The following TSPAN2 variants were observed in gnomAD, a reference collection of about 807,000 sequenced individuals.
TSPAN2 encodes tetraspanin-2.
TSPAN2 carries 24 observed loss-of-function variants against 33.3 expected under a neutral mutation model. The observed-to-expected ratio is 0.72, with a 90% CI of 0.52 to 1.01. The LOEUF (loss-of-function observed/expected upper bound fraction) is 1.01, where lower values mean the gene tolerates loss of function less well. Among genes scored for constraint, TSPAN2 ranks in the 50% least tolerant of loss-of-function variants. The probability of loss-of-function intolerance (pLI) is 0.00; values close to 1 mark genes in which losing one functional copy is unlikely to be tolerated. For synonymous variants in TSPAN2, 114 were observed against 104.5 expected (o/e 1.09, Z -0.56); for missense variants, 278 against 281.3 (o/e 0.99, Z 0.08).
At chr1:115,087,615 C>CAA (rs58524726) in intron 1 of TSPAN2, among the ~76,000 whole-genome samples, 2,883 of 91,930 alleles carry the variant, frequency 0.031, 169 homozygotes, top group African/African-American at 0.1. Flanking sequence ...GACTCCGTCT[C>CAA]AAAAAAAAAA....
chr1:115,066,463 C>T (rs1434368531), intron 2 of TSPAN2, among the ~76,000 whole-genome samples: 3 of 152,110 alleles, frequency 2.0e-5, no homozygotes, highest in Non-Finnish European at 2.9e-5. Context: ...GGAACATGTT[C>T]CCAGGCAATT....
intron 1 of TSPAN2, among the ~76,000 whole-genome samples, chr1:115,074,957 G>A (rs556206334): frequency 1.3e-5 from 2 of 152,224 alleles, no homozygotes; most frequent in African/African-American, 2.4e-5. Flanking sequence ...TCATCTCTGT[G>A]GCGACTCAAT....
chr1:115,056,802 C>T (rs1312189544), intron 6 of TSPAN2, among the ~76,000 whole-genome samples: 1 of 152,142 alleles, frequency 6.6e-6, no homozygotes, highest in Non-Finnish European at 1.5e-5. Context: ...CCTTTGCATC[C>T]ACAGTGCCGA....
At chr1:115,066,399 C>G (rs1194516853) in intron 2 of TSPAN2, among the ~76,000 whole-genome samples, 2 of 152,212 alleles carry the variant, frequency 1.3e-5, no homozygotes, top group Non-Finnish European at 2.9e-5. Context: ...TCCTTGCCAG[C>G]ATTTGCTATT....
chr1:115,075,408 G>A (rs1327641447), intron 1 of TSPAN2, among the ~76,000 whole-genome samples: 5 of 152,230 alleles, frequency 3.3e-5, no homozygotes, highest in Middle Eastern at 3.4e-3. Context: ...GTAAGGACCC[G>A]GCCAGGGTTG....
chr1:115,048,130 T>C lies in TSPAN2; in HGVS notation c.*2360A>G, dbSNP rs1224973312. 1 of 151,482 alleles carries C rather than the reference T, an allele frequency of 6.6e-6. No homozygotes were observed. Among genetic ancestry groups the C allele is most frequent in the African/African-American group, 2.4e-5 (1 of 41,316 alleles). 9.4% of individuals were successfully genotyped at this position (151,482 alleles called of 1,614,324 possible). A position where few individuals can be genotyped will look rare whatever the true frequency, so the allele number is the denominator to read the frequency against. ...ATGTTTGGGTCTAATCTCAAATTAG[T>C]TCAGGGGAACAGAAATAGCTGAAAA... On this transcript the variant is annotated 3_prime_UTR_variant, in exon 8 of 8. Transcript: ENST00000369516.
rs1286355 is a variant in TSPAN2, at chr1:115,078,435, T to C, written c.70-5428A>G. ...TAGACTGAATTGTATCCCTCCAACCTGCAAAATTCACAGGTTGAGGCCTAA... is the reference window on the plus strand; with the variant it reads ...TAGACTGAATTGTATCCCTCCAACCCGCAAAATTCACAGGTTGAGGCCTAA... On this transcript the variant is annotated intron_variant, in intron 1 of 7. Transcript: ENST00000369516. 9.7e-3 allele frequency among the ~76,000 whole-genome samples: 1,481 copies of C among 152,178 alleles called. 28 individuals carry two copies. The highest frequency in any genetic ancestry group is 0.034 in the African/African-American group (1,410 of 41,500).
Position 115,050,573 on chromosome 1 carries a change from C to T in TSPAN2, c.601-18G>A, listed in dbSNP as rs181380932. The T allele has an allele frequency of 1.3e-4, 211 of 1,613,086 alleles. 1 individual carries two copies. The highest frequency in any genetic ancestry group is 2.0e-5 in the Non-Finnish European group (23 of 1,179,294). Reference sequence around the variant, plus strand: ...CCAAAGATCTGAAACAGAAGAAACACTCATCAGTGACTTTGAAACGGGTAC... The same window carrying T: ...CCAAAGATCTGAAACAGAAGAAACATTCATCAGTGACTTTGAAACGGGTAC... On this transcript the variant is annotated intron_variant, in intron 7 of 7. Transcript: ENST00000369516.
chr1:115,073,131 C>T lies in TSPAN2; in HGVS notation c.70-124G>A, dbSNP rs558259716. On this transcript the variant is annotated intron_variant, in intron 1 of 7. Coordinates refer to ENST00000369516, the MANE Select transcript of TSPAN2 (RefSeq NM_005725.6). ...TTTGGAAATCACTTAGACCACCTTC[C>T]CATTTTATAGGGGAGAAAATGAAGG... The T allele has an allele frequency of 1.6e-4, 125 of 772,462 alleles. No individual in the cohort carries two copies. In the African/African-American group the frequency reaches 1.8e-3, roughly 11 times the overall value. The allele number at this position is 772,462 out of a possible 1,614,324, so 47.9% of individuals were successfully genotyped here.
chr1:115,062,167 C>A lies in TSPAN2; in HGVS notation c.238G>T (p.Ala80Ser), dbSNP rs772414105. ...MAVGFFGCCG[A>S]MRESQCVLGS... The stretch of plus-strand genomic sequence containing the variant: ...AGCACACATTGCGACTCCCGCATGG[C>A]TCCGCAGCACCCGAAGAACCCCACG... The change falls in exon 3 of 8, where the codon GCC becomes TCC. Residue 80 changes from alanine (A) to serine (S), a missense_variant. Transcript: ENST00000369516. 6.2e-7 allele frequency: 1 copy of A among 1,601,228 alleles called. No individual in the cohort carries two copies. The highest frequency in any genetic ancestry group is 8.5e-7 in the Non-Finnish European group (1 of 1,173,820).
chr1:115,085,128 A>T (rs1467003174), intron 1 of TSPAN2, among the ~76,000 whole-genome samples: 1 of 152,196 alleles, frequency 6.6e-6, no homozygotes, highest in East Asian at 1.9e-4. Flanking sequence ...GTAGGAAAAA[A>T]AAAGGTGATT....
chr1:115,055,592 C>A (rs999107114), intron 6 of TSPAN2, among the ~76,000 whole-genome samples: 1 of 151,888 alleles, frequency 6.6e-6, no homozygotes. Context: ...GGCGCGATCT[C>A]GGCTCACTGC....
chr1:115,055,942 C>T lies in TSPAN2; in HGVS notation c.516+1595G>A, dbSNP rs182281162. Reference sequence around the variant, plus strand: ...AATAACATGTAATGAGCATGATTTGCACAAAAACGTCTGTCTGCATTTCTG... The same window carrying T: ...AATAACATGTAATGAGCATGATTTGTACAAAAACGTCTGTCTGCATTTCTG... On this transcript the variant is annotated intron_variant, in intron 6 of 7. Transcript: ENST00000369516. Among the ~76,000 whole-genome samples, 10 of 152,290 alleles carry T rather than the reference C, an allele frequency of 6.6e-5. No individual in the cohort carries two copies. In the East Asian group the frequency reaches 1.7e-3, roughly 26 times the overall value.
intron 2 of TSPAN2, among the ~76,000 whole-genome samples, chr1:115,065,514 G>A (rs1156435201): frequency 6.6e-6 from 1 of 152,112 alleles, no homozygotes; most frequent in Admixed American, 6.5e-5. Context: ...ATGAATAGCT[G>A]GCCTTTGGGA....
chr1:115,062,549 G>T (rs964742489), intron 2 of TSPAN2, among the ~76,000 whole-genome samples: 1 of 152,194 alleles, frequency 6.6e-6, no homozygotes, highest in African/African-American at 2.4e-5. Flanking sequence ...TTACTGCTTA[G>T]GCAAGCCCCA....
intron 4 of TSPAN2, 24 bp downstream of exon 4, chr1:115,060,440 A>C (rs746705444): frequency 6.4e-7 from 1 of 1,571,344 alleles, no homozygotes; most frequent in Non-Finnish European, 8.7e-7. Context: ...ATCATAGAAA[A>C]ACATTATAAG....
At chr1:115,077,211 G>A (rs1286734757) in intron 1 of TSPAN2, among the ~76,000 whole-genome samples, 1 of 151,990 alleles carries the variant, frequency 6.6e-6, no homozygotes, top group Non-Finnish European at 1.5e-5. Flanking sequence ...GAGCCACCGT[G>A]CCCAGCCTCA....
chr1:115,068,172 A>C (rs1648022045), intron 2 of TSPAN2, among the ~76,000 whole-genome samples: 1 of 152,318 alleles, frequency 6.6e-6, no homozygotes, highest in Middle Eastern at 3.4e-3. Context: ...GGTGGCAGTC[A>C]GTCTGACTAT....
At chr1:115,076,113 T>C (rs1648400939) in intron 1 of TSPAN2, among the ~76,000 whole-genome samples, 1 of 152,180 alleles carries the variant, frequency 6.6e-6, no homozygotes, top group South Asian at 2.1e-4. Flanking sequence ...GAGCAAACTG[T>C]AGCCACTGGC....
Sources: allele counts gnomAD v4.1 joint callset (sites outside exome capture counted in the v4.1 genomes callset), GRCh38; gene constraint gnomAD v4.1.1; transcripts MANE v1.5; gene names NCBI Gene and HGNC (gene_info 2026-07-23, HGNC 2026-07-21).